The following IQSEC1 variants were observed in gnomAD, a reference collection of about 807,000 sequenced individuals.
The protein encoded by IQSEC1 is IQ motif and SEC7 domain-containing protein 1.
IQSEC1 carries 31 observed loss-of-function variants against 91.0 expected under a neutral mutation model. The observed-to-expected ratio is 0.34, with a 90% CI of 0.26 to 0.46. IQSEC1 has a LOEUF of 0.46. IQSEC1 is among the 20% of genes least tolerant of loss of function. IQSEC1 has a pLI of 1.00. For missense variants in IQSEC1, 1,388 were observed against 1,575.6 expected (o/e 0.88, Z 2.02); for synonymous variants, 699 against 662.6 (o/e 1.05, Z -0.84).
chr3:12,936,605 G>C lies in IQSEC1; in HGVS notation c.411C>G (p.Asn137Lys). The C allele has an allele frequency of 6.2e-7, 1 of 1,613,030 alleles. No individual in the cohort carries two copies. The highest frequency in any genetic ancestry group is 8.5e-7 in the Non-Finnish European group (1 of 1,179,958). ...AGCTGCGCAAGCGCTCGAAGTTCTT[G>C]TTCATCTGGTACTGGCGAAACGCCG... ...IQTAFRQYQM[N>K]KNFERLRSSM... is the part of the protein sequence containing the mutation. The change falls in exon 3 of 14, where the codon AAC (asparagine) becomes AAG (lysine). Residue 137 changes from asparagine to lysine, a missense_variant. By Grantham distance (94) the Asn-to-Lys change is moderately conservative. Around this residue, in one of 2 missense-constraint regions of IQSEC1, gnomAD observed 1,059 missense variants for 1,317.8 expected, o/e 0.80. Coordinates refer to ENST00000613206, the MANE Select transcript of IQSEC1 (RefSeq NM_001134382.3).
chr3:13,234,854 T>G (rs578109069), intron 1 of IQSEC1, among the ~76,000 whole-genome samples: 1 of 152,236 alleles, frequency 6.6e-6, no homozygotes, highest in Non-Finnish European at 1.5e-5. Flanking sequence ...TCTCCCCGCA[T>G]GAAAGCTAAT....
chr3:13,044,509 G>C (rs925343193), intron 1 of IQSEC1, among the ~76,000 whole-genome samples: 2 of 152,240 alleles, frequency 1.3e-5, no homozygotes, highest in Non-Finnish European at 1.5e-5. Context: ...TGCGAGGCCA[G>C]AGGTAAAGGG....
chr3:12,946,503 C>A (rs751687225), intron 1 of IQSEC1, among the ~76,000 whole-genome samples: 3 of 152,170 alleles, frequency 2.0e-5, no homozygotes, highest in Non-Finnish European at 4.4e-5. Context: ...GGAAATAAGA[C>A]CAATGTGTGC....
intron 1 of IQSEC1, among the ~76,000 whole-genome samples, chr3:13,264,912 C>T (rs548002026): frequency 1.3e-5 from 2 of 152,034 alleles, no homozygotes; most frequent in South Asian, 4.2e-4. Context: ...CACTGTGTCT[C>T]TCCCTCTCTC....
intron 2 of IQSEC1, among the ~76,000 whole-genome samples, chr3:13,104,530 C>T (rs1035633981): frequency 6.6e-5 from 10 of 152,186 alleles, no homozygotes; most frequent in Admixed American, 2.6e-4. Context: ...AGATTTCCAC[C>T]GCTGACCCAG....
At chr3:13,012,411 G>T (rs1373440126) in intron 1 of IQSEC1, among the ~76,000 whole-genome samples, 1 of 152,142 alleles carries the variant, frequency 6.6e-6, no homozygotes, top group Non-Finnish European at 1.5e-5. Context: ...TCCCTCCTCT[G>T]GGCTCCCACA....
At chr3:12,926,693 G>A (rs1575932418) in intron 3 of IQSEC1, among the ~76,000 whole-genome samples, 2 of 152,232 alleles carry the variant, frequency 1.3e-5, no homozygotes. Context: ...TTCTGTCCCC[G>A]GGGTGGGGGG....
chr3:12,982,792 G>A (rs1701532596), intron 1 of IQSEC1, among the ~76,000 whole-genome samples: 1 of 152,240 alleles, frequency 6.6e-6, no homozygotes, highest in South Asian at 2.1e-4. Context: ...TGGTGGGGCT[G>A]TTGTTGGTCA....
At chr3:13,219,085 G>A (rs1029962541) in intron 1 of IQSEC1, among the ~76,000 whole-genome samples, 4 of 152,082 alleles carry the variant, frequency 2.6e-5, no homozygotes, top group South Asian at 4.2e-4. Context: ...CAGCTGCCTC[G>A]GGCCCTTCTA....
chr3:13,083,309 G>C (rs929495974), intron 2 of IQSEC1, among the ~76,000 whole-genome samples: 7 of 152,226 alleles, frequency 4.6e-5, no homozygotes, highest in Non-Finnish European at 1.0e-4. Context: ...CCCAGGATCT[G>C]AGTCCCTGCC....
intron 1 of IQSEC1, among the ~76,000 whole-genome samples, chr3:13,277,354 A>G (rs1201233426): frequency 1.3e-5 from 2 of 152,172 alleles, no homozygotes; most frequent in African/African-American, 4.8e-5. Context: ...AAGGGGAGGC[A>G]AAAACCAAAC....
At chr3:13,098,232 C>G (rs1305717940) in intron 2 of IQSEC1, among the ~76,000 whole-genome samples, 1 of 152,246 alleles carries the variant, frequency 6.6e-6, no homozygotes, top group Non-Finnish European at 1.5e-5. Flanking sequence ...AAAACAAGGT[C>G]CTTGACTTTT....
At chr3:13,149,252 T>A (rs1297066305) in intron 2 of IQSEC1, among the ~76,000 whole-genome samples, 1 of 152,128 alleles carries the variant, frequency 6.6e-6, no homozygotes, top group East Asian at 1.9e-4. Context: ...AGTGGGAACC[T>A]CAGATTCCCA....
At chr3:13,011,649 C>T (rs1702887464) in intron 1 of IQSEC1, among the ~76,000 whole-genome samples, 1 of 152,236 alleles carries the variant, frequency 6.6e-6, no homozygotes, top group Admixed American at 6.5e-5. Flanking sequence ...AAGCTAGCTT[C>T]CCCTGGTTGC....
chr3:13,232,115 T>A (rs914934227), intron 1 of IQSEC1, among the ~76,000 whole-genome samples: 1 of 152,246 alleles, frequency 6.6e-6, no homozygotes, highest in Non-Finnish European at 1.5e-5. Flanking sequence ...GGTTTTTTTA[T>A]AAAATACGTG....
At chr3:13,096,864 CTTTTTT>C (rs71066943) in intron 2 of IQSEC1, among the ~76,000 whole-genome samples, 1 of 142,440 alleles carries the variant, frequency 7.0e-6, no homozygotes, top group Non-Finnish European at 1.5e-5. Context: ...TTCTTTCTTT[CTTTTTT>C]TTTTTTTTGA....
At chr3:12,952,810 A>G (rs2125428963) in intron 1 of IQSEC1, among the ~76,000 whole-genome samples, 1 of 152,284 alleles carries the variant, frequency 6.6e-6, no homozygotes, top group Non-Finnish European at 1.5e-5. Context: ...GTCTCTGAAG[A>G]TAACTGGAGG....
At chr3:12,980,088 T>C (rs2125582648) in intron 1 of IQSEC1, among the ~76,000 whole-genome samples, 1 of 152,280 alleles carries the variant, frequency 6.6e-6, no homozygotes, top group Non-Finnish European at 1.5e-5. Flanking sequence ...GAGAGGCGCT[T>C]GGGCCCAGGA....
chr3:13,136,378 G>A (rs1189977746), intron 2 of IQSEC1, among the ~76,000 whole-genome samples: 4 of 152,170 alleles, frequency 2.6e-5, no homozygotes, highest in Non-Finnish European at 4.4e-5. Context: ...AATTGGGGCC[G>A]GGAATGATCC....
Sources: allele counts gnomAD v4.1 joint callset (sites outside exome capture counted in the v4.1 genomes callset), GRCh38; gene constraint gnomAD v4.1.1; regional missense constraint gnomAD v4.1.1; transcripts MANE v1.5; gene names NCBI Gene and HGNC (gene_info 2026-07-23, HGNC 2026-07-21).